Variants in SNX29 observed in about 807,000 individuals in gnomAD.
SNX29 encodes sorting nexin-29.
Under a neutral mutation model 102.1 loss-of-function variants are expected in SNX29, and 78 were observed. That is an observed-to-expected ratio of 0.76 (90% CI 0.64 to 0.92). SNX29 has a LOEUF of 0.92. Among genes scored for constraint, SNX29 ranks in the 40% least tolerant of loss-of-function variants. The probability of loss-of-function intolerance (pLI) is 0.00; values close to 1 mark genes in which losing one functional copy is unlikely to be tolerated. For missense variants in SNX29, 1,280 were observed against 1,061.7 expected (o/e 1.21, Z -2.86); for synonymous variants, 580 against 414.5 (o/e 1.40, Z -4.85).
chr16:12,295,693 T>C (rs2079958519), intron 15 of SNX29, among the ~76,000 whole-genome samples: 1 of 152,224 alleles, frequency 6.6e-6, no homozygotes, highest in Admixed American at 6.5e-5. Context: ...CACTTATTTC[T>C]CTGGGTCACA....
intron 14 of SNX29, among the ~76,000 whole-genome samples, chr16:12,262,137 C>T (rs1297730088): frequency 1.3e-5 from 2 of 151,232 alleles, no homozygotes; most frequent in African/African-American, 2.4e-5. Context: ...CGCGCGTCCC[C>T]AGCTGAAGTG....
At chr16:12,201,261 G>C (rs1005747049) in intron 14 of SNX29, among the ~76,000 whole-genome samples, 4 of 152,092 alleles carry the variant, frequency 2.6e-5, no homozygotes, top group Admixed American at 2.6e-4. Flanking sequence ...TCATTATACA[G>C]AATTATTTAT....
chr16:12,305,280 C>G (rs570364840), intron 15 of SNX29, among the ~76,000 whole-genome samples: 11 of 152,168 alleles, frequency 7.2e-5, no homozygotes, highest in Non-Finnish European at 8.8e-5. Context: ...AGAGGTGTGA[C>G]GAGGTTAGAC....
chr16:12,318,228 T>C (rs2080815900), intron 15 of SNX29, among the ~76,000 whole-genome samples: 1 of 152,258 alleles, frequency 6.6e-6, no homozygotes, highest in Non-Finnish European at 1.5e-5. Context: ...GCCTGCATGT[T>C]CTTGCTAGAT....
intron 13 of SNX29, among the ~76,000 whole-genome samples, chr16:12,145,064 C>A (rs548370665): frequency 6.6e-6 from 1 of 152,140 alleles, no homozygotes; most frequent in Non-Finnish European, 1.5e-5. Context: ...TTTCAACGTG[C>A]GCCCACTGTT....
At chr16:12,079,258 G>T (rs2051741675) in intron 11 of SNX29, among the ~76,000 whole-genome samples, 1 of 152,238 alleles carries the variant, frequency 6.6e-6, no homozygotes, top group Non-Finnish European at 1.5e-5. Flanking sequence ...ACTCATTTTT[G>T]TAAGTGAAGA....
At chr16:12,273,362 GT>G (rs1883713419) in intron 14 of SNX29, among the ~76,000 whole-genome samples, 5 of 147,928 alleles carry the variant, frequency 3.4e-5, no homozygotes, top group Admixed American at 1.3e-4. Context: ...TTTTGTTGTT[GT>G]TTGTTTGTTT....
chr16:12,128,779 G>T (rs190231725), intron 12 of SNX29, among the ~76,000 whole-genome samples: 1 of 152,062 alleles, frequency 6.6e-6, no homozygotes, highest in African/African-American at 2.4e-5. Flanking sequence ...CTGATGTCAC[G>T]TGGCAAGTGT....
At chr16:12,390,014 T>C (rs2083467974) in intron 16 of SNX29, among the ~76,000 whole-genome samples, 1 of 152,196 alleles carries the variant, frequency 6.6e-6, no homozygotes, top group Non-Finnish European at 1.5e-5. Flanking sequence ...AATAGTTCTA[T>C]ATTGGTAGCT....
chr16:12,557,015 ACCCCC>A (rs11387141), intron 20 of SNX29, among the ~76,000 whole-genome samples: 1 of 31,812 alleles, frequency 3.1e-5, no homozygotes, highest in Non-Finnish European at 6.5e-5. Context: ...TGGCTAATTT[ACCCCC>A]CCCCCGCCCC....
At chr16:12,552,133 AGAGG>A (rs1567181260) in intron 20 of SNX29, among the ~76,000 whole-genome samples, 1 of 152,230 alleles carries the variant, frequency 6.6e-6, no homozygotes. Context: ...GAAATGCCTG[AGAGG>A]CCACATTCCA....
At position 12,441,787 on chromosome 16, in the gene SNX29, CTTTTGTTTTG is replaced by C. The variant is rs530626305; in HGVS notation, c.2038-35921_2038-35912del. Among the ~76,000 whole-genome samples, 4 of 152,198 alleles carry C rather than the reference CTTTTGTTTTG, an allele frequency of 2.6e-5. No homozygotes were observed. In the East Asian group the frequency reaches 5.8e-4, roughly 22 times the overall value. On this transcript the variant is annotated intron_variant, in intron 18 of 20. Transcript: ENST00000566228. ...AATTTAGTTATTTGATCCATTTTGA[CTTTTGTTTTG>C]TTTTGTTTTGAGTTAGATTCTCACT... is the stretch of plus-strand genomic sequence containing the variant.
chr16:12,297,912 G>C (rs966668758), intron 15 of SNX29, among the ~76,000 whole-genome samples: 1 of 152,196 alleles, frequency 6.6e-6, no homozygotes, highest in Non-Finnish European at 1.5e-5. Flanking sequence ...GCTCATACCT[G>C]TAATCCCAGC....
intron 20 of SNX29, among the ~76,000 whole-genome samples, chr16:12,542,376 C>T (rs948107449): frequency 6.6e-6 from 1 of 152,220 alleles, no homozygotes; most frequent in Non-Finnish European, 1.5e-5. Context: ...AGTTCTATCA[C>T]CCAGGGTGGA....
intron 14 of SNX29, among the ~76,000 whole-genome samples, chr16:12,237,410 G>A (rs1436372971): frequency 6.6e-6 from 1 of 152,184 alleles, no homozygotes; most frequent in African/African-American, 2.4e-5. Flanking sequence ...GACATTTCAC[G>A]TTTTTCGTGT....
At chr16:12,515,638 C>T (rs943398636) in intron 19 of SNX29, 2 of 484,694 alleles carry the variant, frequency 4.1e-6, no homozygotes, top group Non-Finnish European at 8.2e-6. Flanking sequence ...CTGTCCTAGC[C>T]ACCCAAGCCA....
rs546219854 is a variant in SNX29 at position 12,360,678 on chromosome 16, G to A, written c.1899+4399G>A. 1.8e-4 allele frequency among the ~76,000 whole-genome samples: 27 copies of A among 145,984 alleles called. No individual in the cohort carries two copies. The South Asian group carries it at 3.6e-3, about 20-fold the overall frequency. ...CCCCTACCGTATTGAAAGCCTAATAGTGCAGTCCCTGACTGAGTTTGCTTC... is the reference window on the plus strand; with the variant it reads ...CCCCTACCGTATTGAAAGCCTAATAATGCAGTCCCTGACTGAGTTTGCTTC... On this transcript the variant is annotated intron_variant, in intron 16 of 20. Transcript: ENST00000566228.
intron 15 of SNX29, among the ~76,000 whole-genome samples, chr16:12,280,991 T>G (rs1461430748): frequency 6.6e-6 from 1 of 152,212 alleles, no homozygotes; most frequent in African/African-American, 2.4e-5. Context: ...CACTGCAGCC[T>G]CAACCTCCCC....
intron 13 of SNX29, among the ~76,000 whole-genome samples, chr16:12,180,290 C>T (rs1002870326): frequency 6.6e-6 from 1 of 152,138 alleles, no homozygotes; most frequent in South Asian, 2.1e-4. Context: ...TTGGTTACCT[C>T]GCTGCATTTT....
Sources: gnomAD v4.1 joint callset for allele counts (sites outside exome capture counted in the v4.1 genomes callset) on GRCh38, gnomAD v4.1.1 for gene constraint, MANE v1.5 for transcripts, NCBI Gene and HGNC (gene_info 2026-07-23, HGNC 2026-07-21) for gene names.